PACS2: variants seen among roughly 807,000 people sequenced by gnomAD.
PACS2 encodes PACS1-like protein.
Under a neutral mutation model 113.0 loss-of-function variants are expected in PACS2, and 36 were observed. The observed-to-expected ratio is 0.32, with a 90% CI of 0.24 to 0.42. PACS2 has a LOEUF of 0.42. PACS2 is among the 10% of genes least tolerant of loss of function. PACS2 has a pLI of 1.00. For missense variants in PACS2, 1,015 were observed against 1,239.5 expected, an observed-to-expected ratio of 0.82 and a Z score of 2.72; for synonymous variants, 589 against 536.1, an observed-to-expected ratio of 1.10 and a Z score of -1.36.
rs1555415506 is a variant in PACS2 at position 105,393,276 on chromosome 14, G to A, written c.2537G>A (p.Cys846Tyr). The A allele has an allele frequency of 6.2e-6, 10 of 1,612,708 alleles. 1 individual carries two copies. The East Asian group carries it at 2.2e-4, about 36-fold the overall frequency. The stretch of plus-strand genomic sequence containing the variant: ...AAGGACGTGGAGTCTAAGAGCCAGT[G>A]CATTGAGGGCATCAGCCGGCTCATC... Reference protein sequence around the residue: ...KDKDVESKSQCIEGISRLICT... With the variant: ...KDKDVESKSQYIEGISRLICT... The change falls in exon 24 of 25, where the codon TGC (cysteine) becomes TAC (tyrosine). Residue 846 changes from cysteine to tyrosine, a missense_variant. Cys to Tyr is a radical substitution (Grantham distance 194, BLOSUM62 -2). This residue lies in a region of PACS2 where 859 missense variants were observed against 1,056.8 expected (regional missense o/e 0.81). Transcript: ENST00000447393.
At chr14:105,381,192 C>T (rs587677589) in intron 12 of PACS2, 93 bp downstream of exon 12, 4 of 1,098,846 alleles carry the variant, frequency 3.6e-6, no homozygotes, top group South Asian at 3.2e-5. Context: ...CGTGTCAGTC[C>T]ATCCTGATGA....
Position 105,382,200 on chromosome 14 carries a change from A to G in PACS2, c.1413+142A>G, listed in dbSNP as rs587753178. 4.0e-6 allele frequency: 4 copies of G among 1,001,564 alleles called. No homozygotes were observed. The African/African-American group carries it at 6.5e-5, about 16-fold the overall frequency. The allele number at this position is 1,001,564 out of a possible 1,614,324, so 62.0% of individuals were successfully genotyped here. On this transcript the variant is annotated intron_variant, in intron 13 of 24. Transcript: ENST00000447393. Reference sequence around the variant, plus strand: ...GCCTGGGCTTTGGAGGGCTCCTGCTACACAGCAGGGCGGGCGGGCCATGGG... The same window carrying G: ...GCCTGGGCTTTGGAGGGCTCCTGCTGCACAGCAGGGCGGGCGGGCCATGGG...
intron 24 of PACS2, 57 bp downstream of exon 24, chr14:105,393,392 G>C: frequency 1.6e-6 from 2 of 1,221,732 alleles, no homozygotes; most frequent in South Asian, 1.2e-5. Context: ...AGCACAGCAA[G>C]GCTGCTTTGG....
chr14:105,382,180 G>C, intron 13 of PACS2, 122 bp downstream of exon 13: 2 of 1,107,388 alleles, frequency 1.8e-6, no homozygotes, highest in Non-Finnish European at 2.5e-6. Context: ...AGCATGCCTG[G>C]GCTTTGGAGG....
At chr14:105,390,574 G>A in intron 20 of PACS2, 1 of 168,142 alleles carries the variant, frequency 5.9e-6, no homozygotes, top group Non-Finnish European at 1.3e-5. Context: ...ACAGGGCCTG[G>A]CAGACAGGTT....
chr14:105,384,156 G>A (rs1372333704), intron 16 of PACS2, 197 bp from the exon 17 acceptor site: 6 of 566,586 alleles, frequency 1.1e-5, no homozygotes, highest in Non-Finnish European at 1.9e-5. Context: ...GCTCAGGGCT[G>A]GAGCTCCTTC....
At chr14:105,370,089 G>T (rs781844512) in intron 8 of PACS2, 189 bp downstream of exon 8, 2 of 568,126 alleles carry the variant, frequency 3.5e-6, no homozygotes, top group East Asian at 3.0e-5. Context: ...CAGGTCACCC[G>T]CTGGGTCTCT....
At position 105,396,516 on chromosome 14, in the gene PACS2, TTTG is replaced by T. The variant is rs1309300058; in HGVS notation, c.*1845_*1847del. ...TCTTTTCTTTTTTTTTTTTTTTTTT[TTTG>T]AGATGGAGTCTTGCTCTGTTGCCCA... On this transcript the variant is annotated 3_prime_UTR_variant, in exon 25 of 25. Coordinates refer to ENST00000447393, the MANE Select transcript of PACS2 (RefSeq NM_001100913.3). 2 of 150,028 alleles carry T rather than the reference TTTG, an allele frequency of 1.3e-5. No individual in the cohort carries two copies. The highest frequency in any genetic ancestry group is 4.9e-5 in the African/African-American group (2 of 40,476). 9.3% of individuals were successfully genotyped at this position (150,028 alleles called of 1,614,324 possible).
chr14:105,333,697 G>A (rs1595598869), intron 1 of PACS2, among the ~76,000 whole-genome samples: 1 of 152,226 alleles, frequency 6.6e-6, no homozygotes, highest in East Asian at 1.9e-4. Flanking sequence ...GAGGGAGGAG[G>A]TGGGAGGTTT....
intron 2 of PACS2, among the ~76,000 whole-genome samples, chr14:105,350,098 G>A (rs139712292): frequency 0.014 from 2,119 of 152,128 alleles, 19 homozygotes; most frequent in South Asian, 0.032. Flanking sequence ...GCGTCTCTCC[G>A]CCTGTCCTGC....
chr14:105,369,717 TG>T, intron 7 of PACS2, 123 bp from the exon 8 acceptor site: 1 of 740,136 alleles, frequency 1.4e-6, no homozygotes, highest in Non-Finnish European at 2.3e-6. Context: ...TCAGCGTGGC[TG>T]GTGCTGAGGC....
chr14:105,326,007 C>T (rs969485324), intron 1 of PACS2, among the ~76,000 whole-genome samples: 5 of 152,274 alleles, frequency 3.3e-5, no homozygotes, highest in Admixed American at 2.6e-4. Context: ...ATTTGAGTCT[C>T]ATTTCCCAGT....
chr14:105,391,348 C>G (rs1304381053), intron 21 of PACS2, 99 bp downstream of exon 21: 2 of 917,538 alleles, frequency 2.2e-6, no homozygotes, highest in Non-Finnish European at 3.6e-6. Flanking sequence ...CTTTCAGGGC[C>G]TGAGAGCCGC....
chr14:105,313,720 A>G (rs1182909331), upstream of PACS2, among the ~76,000 whole-genome samples: 1 of 152,250 alleles, frequency 6.6e-6, no homozygotes, highest in Non-Finnish European at 1.5e-5. Flanking sequence ...GACAAGACAC[A>G]GGGCGAAGAG....
chr14:105,387,178 G>T (rs1555413763), intron 19 of PACS2, among the ~76,000 whole-genome samples: 1 of 152,222 alleles, frequency 6.6e-6, no homozygotes, highest in East Asian at 1.9e-4. Context: ...ACCCAGAGGA[G>T]GGTCAGTCGG....
At chr14:105,305,273 G>C (rs890519397) in intron 1 of PACS2, among the ~76,000 whole-genome samples, 13 of 152,076 alleles carry the variant, frequency 8.5e-5, no homozygotes, top group African/African-American at 3.1e-4. Flanking sequence ...GTGGTAGCAT[G>C]TGTCTGTAGT....
chr14:105,328,243 G>A (rs2059192175), intron 1 of PACS2, among the ~76,000 whole-genome samples: 1 of 152,230 alleles, frequency 6.6e-6, no homozygotes, highest in Non-Finnish European at 1.5e-5. Flanking sequence ...AACCCCCGGA[G>A]TGGCCAGCTT....
chr14:105,322,124 G>C (rs1237171829), intron 1 of PACS2, among the ~76,000 whole-genome samples: 1 of 151,762 alleles, frequency 6.6e-6, no homozygotes, highest in East Asian at 1.9e-4. Flanking sequence ...TTTTAGTAGA[G>C]ACGGGGTTTC....
In PACS2 at chr14:105,333,144, C is replaced by T. The variant is rs917278113; in HGVS notation, c.120-15349C>T. 3.3e-5 allele frequency among the ~76,000 whole-genome samples: 5 copies of T among 152,306 alleles called. No individual in the cohort carries two copies. In the East Asian group the frequency reaches 5.8e-4, roughly 18 times the overall value. On this transcript the variant is annotated intron_variant, in intron 1 of 24. Transcript: ENST00000447393. ...TCAGGCACATACACGTGCACACACA[C>T]ACCCATGCACGCGTGTGCACACACA... is the stretch of plus-strand genomic sequence containing the variant.
Sources: gnomAD v4.1 joint callset for allele counts (sites outside exome capture counted in the v4.1 genomes callset) on GRCh38, gnomAD v4.1.1 for gene constraint, gnomAD v4.1.1 regional missense constraint, MANE v1.5 for transcripts, NCBI Gene and HGNC (gene_info 2026-07-23, HGNC 2026-07-21) for gene names.